Variants in IQCE observed in about 807,000 individuals in gnomAD.
The protein encoded by IQCE is IQ motif containing E.
IQCE carries 115 observed loss-of-function variants against 96.0 expected under a neutral mutation model. The observed-to-expected ratio is 1.20, with a 90% CI of 1.03 to 1.40. The LOEUF is 1.40. IQCE is among the 40% of genes most tolerant of loss of function. The pLI is 0.00. For synonymous variants in IQCE, 412 were observed against 371.2 expected (o/e 1.11, Z -1.26); for missense variants, 1,041 against 909.1 (o/e 1.15, Z -1.87).
intron 2 of IQCE, 151 bp from the exon 3 acceptor site, chr7:2,568,803 G>A: frequency 3.0e-6 from 2 of 671,656 alleles, no homozygotes; most frequent in South Asian, 1.8e-5. Flanking sequence ...GGCCCTGCGT[G>A]TCCTGTTCCT....
At chr7:2,609,311 CTTT>C (rs58620813) in intron 21 of IQCE, among the ~76,000 whole-genome samples, 14,713 of 139,818 alleles carry the variant, frequency 0.11, 954 homozygotes, top group East Asian at 0.35. Flanking sequence ...GGGAAGTTGG[CTTT>C]TTTTTTTTTT....
intron 18 of IQCE, among the ~76,000 whole-genome samples, chr7:2,602,584 C>T (rs1017314736): frequency 6.6e-6 from 1 of 152,220 alleles, no homozygotes; most frequent in Non-Finnish European, 1.5e-5. Flanking sequence ...ACCCGCTTGT[C>T]CTCACACTCC....
At chr7:2,604,455 A>T (rs1784648066) in intron 18 of IQCE, among the ~76,000 whole-genome samples, 1 of 152,238 alleles carries the variant, frequency 6.6e-6, no homozygotes, top group African/African-American at 2.4e-5. Flanking sequence ...TTCTCTTAAG[A>T]TCACTTCAGA....
At chr7:2,577,478 G>A (rs796764504) in intron 6 of IQCE, among the ~76,000 whole-genome samples, 3 of 120,602 alleles carry the variant, frequency 2.5e-5, no homozygotes, top group Admixed American at 8.5e-5. Context: ...TGTGTGCGGC[G>A]TATACGCATT....
rs1781571467 is a variant in IQCE at position 2,568,958 on chromosome 7, C to CA, written c.94dup (p.Arg32LysfsTer19). On this transcript the variant is annotated frameshift_variant, in exon 3 of 22. Coordinates refer to ENST00000402050, the MANE Select transcript of IQCE (RefSeq NM_152558.5). LOFTEE classifies it high-confidence loss of function. ...GCCATTTCTTCTTTCTTTCAGAAAG[C>CA]AAAAAGGAAAGCTTTCCACAAACCT... The CA allele has an allele frequency of 3.7e-6, 6 of 1,613,098 alleles. No individual in the cohort carries two copies. Among genetic ancestry groups the CA allele is most frequent in the Non-Finnish European group, 5.1e-6 (6 of 1,179,924 alleles).
At position 2,587,190 on chromosome 7, in the gene IQCE, A is replaced by G. The variant is rs369113162; in HGVS notation, c.989-632A>G. On this transcript the variant is annotated intron_variant, in intron 12 of 21. Coordinates refer to ENST00000402050, the MANE Select transcript of IQCE (RefSeq NM_152558.5). ...AGCAGCTGAAAAAGACAGAGTTGCT[A>G]TTTCCTGAGATGGGGGAGGCAGAGG... 4.3e-4 allele frequency among the ~76,000 whole-genome samples: 65 copies of G among 151,772 alleles called. No individual in the cohort carries two copies. The East Asian group carries it at 0.011, about 26-fold the overall frequency.
At chr7:2,562,530 C>A (rs993228281) in intron 1 of IQCE, among the ~76,000 whole-genome samples, 14 of 150,462 alleles carry the variant, frequency 9.3e-5, no homozygotes, top group Non-Finnish European at 3.0e-5. Context: ...TGATAGAATT[C>A]ACCAGCGAGA....
At position 2,582,027 on chromosome 7, in the gene IQCE, A is replaced by G. The variant is rs750607761; in HGVS notation, c.631-553A>G. 4.1e-5 allele frequency: 19 copies of G among 466,954 alleles called. No individual in the cohort carries two copies. The Middle Eastern group carries it at 8.2e-3, about 201-fold the overall frequency. The allele number at this position is 466,954 out of a possible 1,614,324, so 28.9% of individuals were successfully genotyped here. ...GCGCCCGGCAAAAGAATGTTCTTTA[A>G]AGAATATAAGAATATTGTCTCCTCT... On this transcript the variant is annotated intron_variant, in intron 8 of 21. Coordinates refer to ENST00000402050, the MANE Select transcript of IQCE (RefSeq NM_152558.5).
chr7:2,578,172 C>A lies in IQCE; in HGVS notation c.466-70C>A, dbSNP rs948377802. 8.6e-5 allele frequency: 102 copies of A among 1,182,954 alleles called. No individual in the cohort carries two copies. In the African/African-American group the frequency reaches 1.2e-3, roughly 14 times the overall value. The allele number at this position is 1,182,954 out of a possible 1,614,324, so 73.3% of individuals were successfully genotyped here. On this transcript the variant is annotated intron_variant, in intron 6 of 21. Transcript: ENST00000402050. ...GCATTGGCGTGTGCGTGGCTGTGTGCGCGGGGACGTGTGTGCGGCGTGTGC... is the reference window on the plus strand; with the variant it reads ...GCATTGGCGTGTGCGTGGCTGTGTGAGCGGGGACGTGTGTGCGGCGTGTGC...
chr7:2,562,628 C>T (rs562980752), intron 1 of IQCE, among the ~76,000 whole-genome samples: 1 of 143,842 alleles, frequency 7.0e-6, no homozygotes, highest in African/African-American at 2.6e-5. Context: ...TTGGTAATTT[C>T]GTGTCTCTGG....
chr7:2,572,047 G>A lies in IQCE; in HGVS notation c.260-145G>A, dbSNP rs1396368306. On this transcript the variant is annotated intron_variant, in intron 4 of 21. Coordinates refer to ENST00000402050, the MANE Select transcript of IQCE (RefSeq NM_152558.5). ...ATTAATTGATATTTGGGAGCTGGTT[G>A]GTTAACCATTTACCAGCACGACACT... 2.1e-5 allele frequency: 17 copies of A among 799,902 alleles called. No homozygotes were observed. The Admixed American group carries it at 4.1e-4, about 19-fold the overall frequency. 49.6% of individuals were successfully genotyped at this position (799,902 alleles called of 1,614,324 possible). A position where few individuals can be genotyped will look rare whatever the true frequency, so the allele number is the denominator to read the frequency against.
chr7:2,559,423 T>C, intron 1 of IQCE: 1 of 297,790 alleles, frequency 3.4e-6, no homozygotes. Flanking sequence ...GCGCCCGCTT[T>C]CGCAGAGGCC....
At chr7:2,590,769 G>A (rs554630180) in intron 14 of IQCE, among the ~76,000 whole-genome samples, 1 of 152,274 alleles carries the variant, frequency 6.6e-6, no homozygotes, top group East Asian at 1.9e-4. Context: ...CAACTCAAAA[G>A]TGTAGGGAAC....
chr7:2,573,555 C>A, intron 6 of IQCE, 67 bp downstream of exon 6: 1 of 880,872 alleles, frequency 1.1e-6, no homozygotes, highest in Non-Finnish European at 1.9e-6. Context: ...TGTATTAGAA[C>A]ATCAGTGCCT....
intron 18 of IQCE, among the ~76,000 whole-genome samples, chr7:2,603,021 G>T (rs1053607648): frequency 1.3e-5 from 2 of 152,150 alleles, no homozygotes; most frequent in African/African-American, 4.8e-5. Context: ...CGGTTCTGCA[G>T]CCCCTCCGTG....
At position 2,601,635 on chromosome 7, in the gene IQCE, C is replaced by T. The variant is rs549564021; in HGVS notation, c.1632+171C>T. 4.6e-4 allele frequency: 277 copies of T among 607,342 alleles called. 2 individuals carry two copies. Among genetic ancestry groups the T allele is most frequent in the African/African-American group, 4.1e-3 (219 of 53,508 alleles). The allele number at this position is 607,342 out of a possible 1,614,324, so 37.6% of individuals were successfully genotyped here. A position where few individuals can be genotyped will look rare whatever the true frequency, so the allele number is the denominator to read the frequency against. Reference sequence around the variant, plus strand: ...TGCAATCTTGGCTCACTGCAACCTCCGCCTCCTGGGTTCAAGCGATTCTCC... The same window carrying T: ...TGCAATCTTGGCTCACTGCAACCTCTGCCTCCTGGGTTCAAGCGATTCTCC... On this transcript the variant is annotated intron_variant, in intron 18 of 21. Coordinates refer to ENST00000402050, the MANE Select transcript of IQCE (RefSeq NM_152558.5).
intron 16 of IQCE, among the ~76,000 whole-genome samples, chr7:2,596,667 T>C (rs1286196015): frequency 1.3e-5 from 2 of 152,230 alleles, no homozygotes; most frequent in African/African-American, 2.4e-5. Context: ...ATTTAGACTT[T>C]TTTAGCTGTC....
At chr7:2,569,146 C>G in intron 3 of IQCE, 147 bp downstream of exon 3, 1 of 710,058 alleles carries the variant, frequency 1.4e-6, no homozygotes, top group Non-Finnish European at 2.4e-6. Flanking sequence ...TCTCCCAGTT[C>G]GCGCTGGAGT....
chr7:2,588,357 T>G (rs746217600), intron 13 of IQCE, among the ~76,000 whole-genome samples: 1 of 151,926 alleles, frequency 6.6e-6, no homozygotes, highest in Non-Finnish European at 1.5e-5. Flanking sequence ...TTTTTGTTTT[T>G]TTTTTCTTTT....
Sources: gnomAD v4.1 joint callset for allele counts (sites outside exome capture counted in the v4.1 genomes callset) on GRCh38, gnomAD v4.1.1 for gene constraint, MANE v1.5 for transcripts, NCBI Gene and HGNC (gene_info 2026-07-23, HGNC 2026-07-21) for gene names.